KIRREL3: variants seen among roughly 807,000 people sequenced by gnomAD.
KIRREL3 encodes kirre like nephrin family adhesion molecule 3, also known as kin of IRRE-like protein 3.
A neutral mutation model predicts 89.7 loss-of-function variants in KIRREL3; 36 were observed. That is an observed-to-expected ratio of 0.40 (90% confidence interval 0.31 to 0.53). The LOEUF is 0.53. KIRREL3 is among the 20% of genes least tolerant of loss of function. The pLI is 0.49. For synonymous variants in KIRREL3, 445 were observed against 441.4 expected, an observed-to-expected ratio of 1.01 and a Z score of -0.10; for missense variants, 864 against 1,056.6, an observed-to-expected ratio of 0.82 and a Z score of 2.53.
At chr11:126,727,175 G>C (rs909201651) in intron 1 of KIRREL3, among the ~76,000 whole-genome samples, 2 of 152,210 alleles carry the variant, frequency 1.3e-5, no homozygotes, top group African/African-American at 4.8e-5. Flanking sequence ...GAAACAGCAA[G>C]GGCTCCTGTG....
chr11:126,850,451 G>A (rs943982922), intron 1 of KIRREL3, among the ~76,000 whole-genome samples: 1 of 152,160 alleles, frequency 6.6e-6, no homozygotes, highest in Non-Finnish European at 1.5e-5. Context: ...TTGAGTTGGG[G>A]TAGAGGCAAA....
intron 1 of KIRREL3, among the ~76,000 whole-genome samples, chr11:126,842,897 C>T (rs1229027576): frequency 6.6e-6 from 1 of 152,158 alleles, no homozygotes; most frequent in Non-Finnish European, 1.5e-5. Context: ...TGAGAGCTGG[C>T]CTCTCCATCG....
At position 126,455,813 on chromosome 11, in the gene KIRREL3, C is replaced by G. The variant is rs1311737816; in HGVS notation, c.848+536G>C. On this transcript the variant is annotated intron_variant, in intron 7 of 16. Coordinates refer to ENST00000525144, the MANE Select transcript of KIRREL3 (RefSeq NM_032531.4). The surrounding 1 kb of genome is among the most constrained non-coding windows in gnomAD (Gnocchi z 6.4). ...CTCTGTCTCAAAACAAACAAAGAAA[C>G]AAACAAACAAACAAACCAACAAACC... Among the ~76,000 whole-genome samples the G allele has an allele frequency of 2.0e-5, 3 of 151,562 alleles. No individual in the cohort carries two copies. Among genetic ancestry groups the G allele is most frequent in the East Asian group, 2.0e-4 (1 of 5,106 alleles).
chr11:126,548,789 A>G (rs1042278886), intron 2 of KIRREL3, among the ~76,000 whole-genome samples: 1 of 152,188 alleles, frequency 6.6e-6, no homozygotes, highest in Non-Finnish European at 1.5e-5. Flanking sequence ...AGCCATAGGA[A>G]CAGCGCAGGG....
intron 1 of KIRREL3, among the ~76,000 whole-genome samples, chr11:126,831,069 C>G (rs1943589401): frequency 6.6e-6 from 1 of 152,166 alleles, no homozygotes; most frequent in Non-Finnish European, 1.5e-5. Flanking sequence ...CTTATTAGCT[C>G]TTGGTTCTCA....
chr11:126,910,173 A>T (rs753143373), intron 1 of KIRREL3, among the ~76,000 whole-genome samples: 33 of 152,152 alleles, frequency 2.2e-4, no homozygotes, highest in Admixed American at 5.9e-4. Flanking sequence ...CAGAAGGTCC[A>T]GGGCTTTGAA....
At chr11:126,591,000 C>T (rs534958430) in intron 1 of KIRREL3, among the ~76,000 whole-genome samples, 4 of 152,138 alleles carry the variant, frequency 2.6e-5, no homozygotes, top group Non-Finnish European at 5.9e-5. Context: ...CTGAGGCGGG[C>T]AGATCACTTG....
rs1271868748 is a variant in KIRREL3, at chr11:126,931,114, C to T, written c.55+69341G>A. ...GTGAGTTCCCACAGGCCTCTATGCT[C>T]ATCTCAGCATGGAACTTATGTGCAC... is the stretch of plus-strand genomic sequence containing the variant. On this transcript the variant is annotated intron_variant, in intron 1 of 16. Coordinates refer to ENST00000525144, the MANE Select transcript of KIRREL3 (RefSeq NM_032531.4). The surrounding 1 kb of genome is among the most constrained non-coding windows in gnomAD (Gnocchi z 5.1). 6.6e-6 allele frequency among the ~76,000 whole-genome samples: 1 copy of T among 152,228 alleles called. No homozygotes were observed. The highest frequency in any genetic ancestry group is 2.4e-5 in the African/African-American group (1 of 41,466).
rs774608705 is a variant in KIRREL3 at position 126,620,060 on chromosome 11, T to C, written c.56-57148A>G. ...TTTGGCTGCCGTGTGATTATTAAAC[T>C]CTCTCTCTGCTGCAACTTCCACTGT... On this transcript the variant is annotated intron_variant, in intron 1 of 16. Coordinates refer to ENST00000525144, the MANE Select transcript of KIRREL3 (RefSeq NM_032531.4). This position sits in a 1 kb window ranked among gnomAD's most constrained non-coding sequence, Gnocchi z 4.8. Among the ~76,000 whole-genome samples the C allele has an allele frequency of 6.6e-6, 1 of 152,160 alleles. No homozygotes were observed. The highest frequency in any genetic ancestry group is 1.5e-5 in the Non-Finnish European group (1 of 68,030).
intron 1 of KIRREL3, among the ~76,000 whole-genome samples, chr11:126,809,058 C>A (rs1951296003): frequency 6.6e-6 from 1 of 152,158 alleles, no homozygotes; most frequent in Admixed American, 6.5e-5. Flanking sequence ...GTACAGGCCT[C>A]TAATAATAAA....
intron 2 of KIRREL3, among the ~76,000 whole-genome samples, chr11:126,529,859 G>GTTT (rs60236598): frequency 8.5e-5 from 12 of 141,000 alleles, no homozygotes; most frequent in African/African-American, 2.6e-4. Context: ...AAACCAATGA[G>GTTT]TTTTTTTTTT....
rs1341361081 is a variant in KIRREL3 at position 126,750,793 on chromosome 11, C to T, written c.56-187881G>A. ...TTGTCCAAGCTAACAAATGGTAGTG[C>T]AAACGTTGGAACTCAGGTCCTCAGT... On this transcript the variant is annotated intron_variant, in intron 1 of 16. Coordinates refer to ENST00000525144, the MANE Select transcript of KIRREL3 (RefSeq NM_032531.4). The surrounding 1 kb of genome is among the most constrained non-coding windows in gnomAD (Gnocchi z 4.2). Among the ~76,000 whole-genome samples the T allele has an allele frequency of 6.6e-6, 1 of 152,174 alleles. No homozygotes were observed. Among genetic ancestry groups the T allele is most frequent in the Non-Finnish European group, 1.5e-5 (1 of 68,030 alleles).
intron 1 of KIRREL3, among the ~76,000 whole-genome samples, chr11:126,835,525 G>A (rs111956889): frequency 0.013 from 2,051 of 152,280 alleles, 47 homozygotes; most frequent in African/African-American, 0.047. Flanking sequence ...TGCCCACTAC[G>A]TGTTTGATCC....
At position 126,677,064 on chromosome 11, in the gene KIRREL3, T is replaced by TA. The variant is rs1452655143; in HGVS notation, c.56-114153dup. ...TGGCCTCTCAAAGATTTTTTTTTTTTAACAGCTGTATTGAGATACAGTTCA... is the reference window on the plus strand; with the variant it reads ...TGGCCTCTCAAAGATTTTTTTTTTTTAAACAGCTGTATTGAGATACAGTTCA... On this transcript the variant is annotated intron_variant, in intron 1 of 16. Transcript: ENST00000525144. This position sits in a 1 kb window ranked among gnomAD's most constrained non-coding sequence, Gnocchi z 5.1. Among the ~76,000 whole-genome samples, 2 of 151,894 alleles carry TA rather than the reference T, an allele frequency of 1.3e-5. No homozygotes were observed. The highest frequency in any genetic ancestry group is 4.8e-5 in the African/African-American group (2 of 41,242).
chr11:126,446,285 C>CTTTCTTTTCTTTCTCTCTCT (rs111774154), intron 9 of KIRREL3, among the ~76,000 whole-genome samples: 4 of 143,402 alleles, frequency 2.8e-5, no homozygotes, highest in Middle Eastern at 3.6e-3. Flanking sequence ...TTTTCTTTCT[C>CTTTCTTTTCTTTCTCTCTCT]CTTTCTTTCT....
rs1342925765 is a variant in KIRREL3, at chr11:126,565,807, A to C, written c.56-2895T>G. Among the ~76,000 whole-genome samples, 1 of 152,154 alleles carries C rather than the reference A, an allele frequency of 6.6e-6. No individual in the cohort carries two copies. Among genetic ancestry groups the C allele is most frequent in the Non-Finnish European group, 1.5e-5 (1 of 68,020 alleles). ...CAAGTGGGGAGGTGAATATTGTCCA[A>C]GCTACTAACCACAGAGAGAACCAGG... On this transcript the variant is annotated intron_variant, in intron 1 of 16. Transcript: ENST00000525144. This position sits in a 1 kb window ranked among gnomAD's most constrained non-coding sequence, Gnocchi z 5.4.
At chr11:126,637,239 A>G (rs1944301769) in intron 1 of KIRREL3, among the ~76,000 whole-genome samples, 1 of 152,234 alleles carries the variant, frequency 6.6e-6, no homozygotes, top group Non-Finnish European at 1.5e-5. Context: ...TTTGATTTCC[A>G]TATGGGCTGA....
intron 1 of KIRREL3, among the ~76,000 whole-genome samples, chr11:126,975,092 G>A (rs1280118446): frequency 6.6e-6 from 1 of 152,040 alleles, no homozygotes; most frequent in Admixed American, 6.6e-5. Context: ...TTACAGGTGT[G>A]AGCCACTGCG....
chr11:126,773,096 G>T lies in KIRREL3; in HGVS notation c.56-210184C>A, dbSNP rs1054156158. Among the ~76,000 whole-genome samples, 11 of 152,176 alleles carry T rather than the reference G, an allele frequency of 7.2e-5. No individual in the cohort carries two copies. The highest frequency in any genetic ancestry group is 2.7e-4 in the African/African-American group (11 of 41,444). Reference sequence around the variant, plus strand: ...AAGCCATTAGCTCCTAAAATACTGGGAATGAGGGAATCTTCAAAATCACTG... The same window carrying T: ...AAGCCATTAGCTCCTAAAATACTGGTAATGAGGGAATCTTCAAAATCACTG... On this transcript the variant is annotated intron_variant, in intron 1 of 16. Coordinates refer to ENST00000525144, the MANE Select transcript of KIRREL3 (RefSeq NM_032531.4). The surrounding 1 kb of genome is among the most constrained non-coding windows in gnomAD (Gnocchi z 4.2).
Sources: allele counts gnomAD v4.1 joint callset (sites outside exome capture counted in the v4.1 genomes callset), GRCh38; gene constraint gnomAD v4.1.1; non-coding constraint Gnocchi (gnomAD v3.1); transcripts MANE v1.5; gene names NCBI Gene and HGNC (gene_info 2026-07-23, HGNC 2026-07-21).